WDR37: variants seen among roughly 807,000 people sequenced by gnomAD.
WDR37 encodes WD repeat domain 37.
WDR37 carries 19 observed loss-of-function variants against 62.9 expected under a neutral mutation model. The observed-to-expected ratio is 0.30, with a 90% CI of 0.21 to 0.44. The LOEUF (loss-of-function observed/expected upper bound fraction) is 0.44. Ranked by LOEUF, WDR37 falls within the 20% of genes least tolerant of loss-of-function variation. WDR37 has a pLI of 1.00. For missense variants in WDR37, 474 were observed against 657.6 expected (o/e 0.72, Z 3.05); for synonymous variants, 250 against 260.9 (o/e 0.96, Z 0.40).
chr10:1,068,342 G>T (rs1047756860), intron 1 of WDR37, among the ~76,000 whole-genome samples: 5 of 72,286 alleles, frequency 6.9e-5, no homozygotes, highest in African/African-American at 3.1e-4. Flanking sequence ...TTAGCCGGGC[G>T]TGGTGGCGGG....
intron 11 of WDR37, among the ~76,000 whole-genome samples, chr10:1,108,109 C>T (rs1450961231): frequency 2.0e-5 from 3 of 152,216 alleles, no homozygotes; most frequent in African/African-American, 7.2e-5. Context: ...TAAGGATGTT[C>T]TCCTAATACA....
intron 11 of WDR37, among the ~76,000 whole-genome samples, chr10:1,110,427 C>T (rs546747347): frequency 2.5e-4 from 38 of 152,340 alleles, no homozygotes; most frequent in Middle Eastern, 3.4e-3. Context: ...CCTTTGTCTC[C>T]GGCATGGGTT....
At chr10:1,104,303 C>G (rs573351280) in intron 10 of WDR37, among the ~76,000 whole-genome samples, 1 of 152,306 alleles carries the variant, frequency 6.6e-6, no homozygotes, top group East Asian at 1.9e-4. Context: ...CTCCTTCTTG[C>G]GTCTGGAGTT....
At chr10:1,113,888 A>G (rs1835298792) in intron 11 of WDR37, among the ~76,000 whole-genome samples, 1 of 151,504 alleles carries the variant, frequency 6.6e-6, no homozygotes. Flanking sequence ...TTCAGTGGTA[A>G]AGCAGTGGTA....
At chr10:1,062,397 C>T (rs1184847869) in intron 1 of WDR37, among the ~76,000 whole-genome samples, 1 of 152,132 alleles carries the variant, frequency 6.6e-6, no homozygotes, top group African/African-American at 2.4e-5. Flanking sequence ...GTAATCTCTG[C>T]ATTTTTGGTA....
rs1364666032 is a variant in WDR37 at position 1,080,044 on chromosome 10, T to C, written c.269T>C (p.Leu90Ser). 4.3e-6 allele frequency: 7 copies of C among 1,614,184 alleles called. No individual in the cohort carries two copies. The highest frequency in any genetic ancestry group is 5.9e-6 in the Non-Finnish European group (7 of 1,180,014). Residue 90 changes from leucine (L) to serine (S), a missense_variant, in exon 4 of 14, where the codon TTA becomes TCA. Leu to Ser is a moderately radical substitution (Grantham distance 145). Coordinates refer to ENST00000263150, the MANE Select transcript of WDR37 (RefSeq NM_014023.4). ...RREIDTLNERLAAEGQAIDGA... is the reference protein window; with the variant it reads ...RREIDTLNERSAAEGQAIDGA... ...GAAATCGACACTCTTAATGAACGTT[T>C]AGCTGCTGAAGGACAAGCGATTGAT...
intron 11 of WDR37, among the ~76,000 whole-genome samples, chr10:1,109,822 G>A: frequency 1.3e-5 from 2 of 152,344 alleles, no homozygotes; most frequent in Admixed American, 1.3e-4. Context: ...AATGTAGTAA[G>A]TGTTATGAAA....
chr10:1,095,619 G>T (rs1284307008), intron 8 of WDR37, among the ~76,000 whole-genome samples: 2 of 152,208 alleles, frequency 1.3e-5, no homozygotes, highest in Non-Finnish European at 2.9e-5. Flanking sequence ...GGTGTCCGAG[G>T]CCTGTTCTGT....
At chr10:1,111,610 C>T (rs1835219771) in intron 11 of WDR37, among the ~76,000 whole-genome samples, 1 of 152,144 alleles carries the variant, frequency 6.6e-6, no homozygotes, top group African/African-American at 2.4e-5. Context: ...GACCAGTCAC[C>T]TTTTCCTTTT....
intron 11 of WDR37, among the ~76,000 whole-genome samples, chr10:1,111,953 G>A (rs1389712200): frequency 6.6e-6 from 1 of 151,918 alleles, no homozygotes; most frequent in Non-Finnish European, 1.5e-5. Flanking sequence ...CCAGGCTGGA[G>A]TGCAGTGGTG....
chr10:1,119,100 T>C (rs1835493420), intron 11 of WDR37, among the ~76,000 whole-genome samples: 1 of 152,240 alleles, frequency 6.6e-6, no homozygotes, highest in Admixed American at 6.5e-5. Context: ...AAGGCCGTGC[T>C]GCAAAACAAG....
At chr10:1,095,676 T>C (rs1247685922) in intron 8 of WDR37, among the ~76,000 whole-genome samples, 1 of 152,166 alleles carries the variant, frequency 6.6e-6, no homozygotes. Context: ...AGTCAAAGCG[T>C]TTCCTCGCAA....
intron 11 of WDR37, among the ~76,000 whole-genome samples, chr10:1,106,169 C>T (rs945962560): frequency 8.5e-5 from 13 of 152,126 alleles, no homozygotes; most frequent in African/African-American, 2.4e-4. Flanking sequence ...ATGATGAGAC[C>T]GTCTGCCCAG....
intron 12 of WDR37, 25 bp from the exon 13 acceptor site, chr10:1,124,885 A>G: frequency 6.2e-7 from 1 of 1,612,924 alleles, no homozygotes; most frequent in Non-Finnish European, 8.5e-7. Context: ...TTCATGCACA[A>G]CCCACTTTTA....
rs1589130962 is a variant in WDR37, at chr10:1,130,041, C to A, written c.*697C>A. ...AAATTTTGAAATAGGATTCTAATCACTGATTTCAAATATTAAGCAAAATGT... is the reference window on the plus strand; with the variant it reads ...AAATTTTGAAATAGGATTCTAATCAATGATTTCAAATATTAAGCAAAATGT... On this transcript the variant is annotated 3_prime_UTR_variant, in exon 14 of 14. Transcript: ENST00000263150. 6.6e-6 allele frequency: 1 copy of A among 152,594 alleles called. No individual in the cohort carries two copies. Among genetic ancestry groups the A allele is most frequent in the East Asian group, 1.9e-4 (1 of 5,204 alleles). The allele number at this position is 152,594 out of a possible 1,614,324, so 9.5% of individuals were successfully genotyped here. A position where few individuals can be genotyped will look rare whatever the true frequency, so the allele number is the denominator to read the frequency against.
intron 1 of WDR37, among the ~76,000 whole-genome samples, chr10:1,057,766 T>C (rs1262675927): frequency 1.3e-5 from 2 of 152,240 alleles, no homozygotes. Context: ...ACTTAAACGC[T>C]AAAACATTCG....
At chr10:1,108,243 C>T (rs1835085264) in intron 11 of WDR37, among the ~76,000 whole-genome samples, 1 of 152,222 alleles carries the variant, frequency 6.6e-6, no homozygotes, top group African/African-American at 2.4e-5. Flanking sequence ...AGGATTTAAT[C>T]AGGATTCTCT....
Position 1,121,484 on chromosome 10 carries a change from T to G in WDR37, c.1104-2734T>G, listed in dbSNP as rs1295158551. Among the ~76,000 whole-genome samples the G allele has an allele frequency of 6.6e-6, 1 of 152,166 alleles. No homozygotes were observed. Among genetic ancestry groups the G allele is most frequent in the Non-Finnish European group, 1.5e-5 (1 of 68,038 alleles). On this transcript the variant is annotated intron_variant, in intron 11 of 13. Coordinates refer to ENST00000263150, the MANE Select transcript of WDR37 (RefSeq NM_014023.4). This position sits in a 1 kb window ranked among gnomAD's most constrained non-coding sequence, Gnocchi z 4.5. ...GTTCTTTATTTTTTTAGATGAAGAC[T>G]CTGGAGGAGTTACTGGGTTGATTTT...
At chr10:1,106,040 C>T (rs1364782456) in intron 11 of WDR37, among the ~76,000 whole-genome samples, 2 of 152,144 alleles carry the variant, frequency 1.3e-5, no homozygotes, top group Non-Finnish European at 2.9e-5. Flanking sequence ...CTGTCTCGGC[C>T]TCCCAAAGTG....
Sources: gnomAD v4.1 joint callset for allele counts (sites outside exome capture counted in the v4.1 genomes callset) on GRCh38, gnomAD v4.1.1 for gene constraint, Gnocchi (gnomAD v3.1) non-coding constraint, MANE v1.5 for transcripts, NCBI Gene and HGNC (gene_info 2026-07-23, HGNC 2026-07-21) for gene names.